The following PIN4 variants were observed in gnomAD, a reference collection of about 807,000 sequenced individuals.
The protein encoded by PIN4 is peptidylprolyl cis/trans isomerase, NIMA-interacting 4, also known as peptidyl-prolyl cis-trans isomerase NIMA-interacting 4.
In PIN4, 3 loss-of-function variants were observed where a neutral mutation model predicts 8.3. The observed-to-expected ratio is 0.36, with a 90% CI of 0.16 to 0.93. The LOEUF is 0.93. Ranked by LOEUF, PIN4 falls within the 40% of genes least tolerant of loss-of-function variation. The pLI is 0.44. For missense variants in PIN4, 75 were observed against 100.6 expected, an observed-to-expected ratio of 0.75 and a Z score of 1.09; for synonymous variants, 18 against 32.5, an observed-to-expected ratio of 0.55 and a Z score of 1.52.
chrX:72,214,729 G>A (rs1268425288), intron 3 of PIN4, among the ~76,000 whole-genome samples: 1 of 104,941 alleles, frequency 9.5e-6, no homozygotes, highest in African/African-American at 3.5e-5. Flanking sequence ...GCTCACACCT[G>A]TAATCCTAGC....
At chrX:72,246,486 G>A (rs1359346388) in intron 3 of PIN4, among the ~76,000 whole-genome samples, 2 of 111,405 alleles carry the variant, frequency 1.8e-5, no homozygotes, top group Admixed American at 9.6e-5. Context: ...CCATGGCCCT[G>A]TCTAAATCCT....
intron 3 of PIN4, among the ~76,000 whole-genome samples, chrX:72,232,273 TAAA>T (rs56070381): frequency 0.26 from 15,706 of 60,598 alleles, 1,720 homozygotes; most frequent in East Asian, 0.5. Context: ...GAAGGAGTAT[TAAA>T]AAAAAAAAAA....
intron 3 of PIN4, chrX:72,204,855 C>A: frequency 2.7e-6 from 1 of 372,960 alleles, no homozygotes; most frequent in East Asian, 4.2e-5. Context: ...CTCAGAATAC[C>A]AGACTATGGA....
chrX:72,241,641 AC>A (rs2043049440), intron 3 of PIN4, among the ~76,000 whole-genome samples: 3 of 111,655 alleles, frequency 2.7e-5, no homozygotes, highest in South Asian at 7.5e-4. Flanking sequence ...TGACGGAGAA[AC>A]CCTGTCTCTA....
At chrX:72,225,299 C>T (rs910294449) in intron 3 of PIN4, among the ~76,000 whole-genome samples, 9 of 112,214 alleles carry the variant, frequency 8.0e-5, no homozygotes, top group Non-Finnish European at 1.3e-4. Flanking sequence ...CTCACTATTT[C>T]GGTCAGGCAC....
At chrX:72,259,215 CT>C (rs3038606) in intron 3 of PIN4, among the ~76,000 whole-genome samples, 3,963 of 90,552 alleles carry the variant, frequency 0.044, 172 homozygotes, top group African/African-American at 0.14. Context: ...GAGTTTACTA[CT>C]TTTTTTTTTT....
At chrX:72,223,004 C>T (rs1205405722) in intron 3 of PIN4, among the ~76,000 whole-genome samples, 1 of 108,614 alleles carries the variant, frequency 9.2e-6, no homozygotes, top group Non-Finnish European at 1.9e-5. Context: ...CAATTTATTT[C>T]CCAATCTGCC....
intron 3 of PIN4, among the ~76,000 whole-genome samples, chrX:72,219,399 C>T (rs990417070): frequency 2.8e-5 from 3 of 108,745 alleles, no homozygotes; most frequent in Non-Finnish European, 5.7e-5. Context: ...ACTAAAAATA[C>T]AAAAATTAGC....
intron 3 of PIN4, among the ~76,000 whole-genome samples, chrX:72,256,502 G>A (rs2043111331): frequency 9.0e-6 from 1 of 111,239 alleles, no homozygotes; most frequent in Admixed American, 9.6e-5. Flanking sequence ...CAATGAATTG[G>A]ATGAAGCCTG....
chrX:72,196,714 A>C (rs150898375), intron 2 of PIN4, 71 bp from the exon 3 acceptor site: 38 of 954,215 alleles, frequency 4.0e-5, no homozygotes, highest in South Asian at 1.5e-4. Context: ...GGGTAATCCA[A>C]ATGTAACCAC....
At chrX:72,211,826 G>A (rs759620579) in intron 3 of PIN4, among the ~76,000 whole-genome samples, 21 of 111,454 alleles carry the variant, frequency 1.9e-4, no homozygotes, top group Admixed American at 1.7e-3. Flanking sequence ...ACAACTCCTG[G>A]AGGAAGGTGA....
At chrX:72,241,673 G>A (rs1985287) in intron 3 of PIN4, among the ~76,000 whole-genome samples, 31,348 of 110,650 alleles carry the variant, frequency 0.28, 3,456 homozygotes, top group East Asian at 0.5. Context: ...AAAATTAGCC[G>A]GGCATGGTGG....
At chrX:72,219,212 C>T (rs1018593679) in intron 3 of PIN4, among the ~76,000 whole-genome samples, 7 of 111,080 alleles carry the variant, frequency 6.3e-5, no homozygotes, top group South Asian at 7.6e-4. Flanking sequence ...GCAGAGATCG[C>T]GCCATTGCAC....
chrX:72,255,235 A>C (rs1325012417), intron 3 of PIN4, among the ~76,000 whole-genome samples: 1 of 107,272 alleles, frequency 9.3e-6, no homozygotes, highest in Non-Finnish European at 1.9e-5. Flanking sequence ...ACGCCACTGA[A>C]CTCCAGCCTG....
chrX:72,252,569 T>G (rs568836903), intron 3 of PIN4, among the ~76,000 whole-genome samples: 6 of 111,439 alleles, frequency 5.4e-5, no homozygotes, highest in Middle Eastern at 4.7e-3. Flanking sequence ...TTTGTATTTT[T>G]AGTAGAGACA....
At chrX:72,189,952 C>T (rs766296278) in intron 2 of PIN4, among the ~76,000 whole-genome samples, 1 of 110,787 alleles carries the variant, frequency 9.0e-6, no homozygotes, top group Non-Finnish European at 1.9e-5. Context: ...CAGACCCCAC[C>T]CCTGTGCCCA....
chrX:72,197,239 CTATT>C, intron 3 of PIN4, 125 bp from the exon 4 acceptor site: 1 of 542,640 alleles, frequency 1.8e-6, no homozygotes, highest in Non-Finnish European at 3.0e-6. Context: ...CTTATTGAGC[CTATT>C]CCTGTATTGC....
At chrX:72,258,250 C>T (rs1236465561) in intron 3 of PIN4, among the ~76,000 whole-genome samples, 1 of 111,835 alleles carries the variant, frequency 8.9e-6, no homozygotes, top group Non-Finnish European at 1.9e-5. Flanking sequence ...CGGCCCTGGC[C>T]CAGAGGACCT....
At chrX:72,241,344 T>A (rs939684264) in intron 3 of PIN4, among the ~76,000 whole-genome samples, 2 of 111,024 alleles carry the variant, frequency 1.8e-5, no homozygotes, top group African/African-American at 6.6e-5. Context: ...GTTTAGGCCC[T>A]TTTTGCTCTT....
Sources: gnomAD v4.1 joint callset for allele counts (sites outside exome capture counted in the v4.1 genomes callset) on GRCh38, gnomAD v4.1.1 for gene constraint, MANE v1.5 for transcripts, NCBI Gene and HGNC (gene_info 2026-07-23, HGNC 2026-07-21) for gene names.